GRAMD2A: variants seen among roughly 807,000 people sequenced by gnomAD.
GRAMD2A encodes GRAM domain containing 2A.
Under a neutral mutation model 51.1 loss-of-function variants are expected in GRAMD2A, and 37 were observed. The observed-to-expected ratio is 0.72, with a 90% CI of 0.56 to 0.95. The LOEUF (loss-of-function observed/expected upper bound fraction) is 0.95, where lower values mean the gene tolerates loss of function less well. Among genes scored for constraint, GRAMD2A ranks in the 40% least tolerant of loss-of-function variants. The probability of loss-of-function intolerance (pLI) is 0.00; values close to 1 mark genes in which losing one functional copy is unlikely to be tolerated. For synonymous variants in GRAMD2A, 136 were observed against 157.1 expected (o/e 0.87, Z 1.01); for missense variants, 414 against 426.9 (o/e 0.97, Z 0.27).
intron 7 of GRAMD2A, 129 bp from the exon 8 acceptor site, chr15:72,165,539 C>T (rs2081533501): frequency 1.1e-6 from 1 of 878,322 alleles, no homozygotes; most frequent in South Asian, 1.5e-5. Flanking sequence ...TGAAGCCCAG[C>T]TCCCAGGGTC....
At chr15:72,173,424 GTC>G (rs1298218829) in intron 1 of GRAMD2A, 1 of 152,174 alleles carries the variant, frequency 6.6e-6, no homozygotes, top group Non-Finnish European at 1.5e-5. Context: ...CTGATCGGAA[GTC>G]TCTGCTCAGC....
chr15:72,174,744 G>A (rs2081639681), intron 1 of GRAMD2A, among the ~76,000 whole-genome samples: 1 of 152,126 alleles, frequency 6.6e-6, no homozygotes, highest in Non-Finnish European at 1.5e-5. Flanking sequence ...GAGGCAGGTA[G>A]GGAGCTCCCC....
Position 72,160,077 on chromosome 15 carries a change from G to T in GRAMD2A, c.*1932C>A, listed in dbSNP as rs1422840829. 6.6e-6 allele frequency: 1 copy of T among 152,260 alleles called. No individual in the cohort carries two copies. The highest frequency in any genetic ancestry group is 1.5e-5 in the Non-Finnish European group (1 of 68,114). 9.4% of individuals were successfully genotyped at this position (152,260 alleles called of 1,614,324 possible). A position where few individuals can be genotyped will look rare whatever the true frequency, so the allele number is the denominator to read the frequency against. On this transcript the variant is annotated 3_prime_UTR_variant, in exon 12 of 12. Transcript: ENST00000309731. ...ACACTCAAAGCCCTGGGCCCCAAGT[G>T]CACCTCCAAAGTCACCTACGCTGCA...
chr15:72,176,160 A>C (rs1390249835), intron 1 of GRAMD2A: 1 of 152,570 alleles, frequency 6.6e-6, no homozygotes, highest in Non-Finnish European at 1.5e-5. Context: ...TCCTGTCTCC[A>C]GTGGGCTGCA....
intron 1 of GRAMD2A, among the ~76,000 whole-genome samples, chr15:72,190,252 G>A (rs992017666): frequency 3.9e-5 from 6 of 152,128 alleles, no homozygotes; most frequent in Admixed American, 1.3e-4. Context: ...GGTGGCAGGC[G>A]CCTGTAGTCG....
chr15:72,169,750 C>T (rs576865810), intron 2 of GRAMD2A, 97 bp downstream of exon 2: 28 of 995,132 alleles, frequency 2.8e-5, no homozygotes, highest in African/African-American at 1.4e-4. Flanking sequence ...AAAGGGGCCC[C>T]GGCTCTGCCT....
chr15:72,163,191 C>A, intron 10 of GRAMD2A, 75 bp downstream of exon 10: 2 of 1,008,448 alleles, frequency 2.0e-6, no homozygotes, highest in Non-Finnish European at 3.1e-6. Context: ...GTGAATTCCC[C>A]ACACTCCAAG....
chr15:72,175,282 C>G (rs1386261406), intron 1 of GRAMD2A, among the ~76,000 whole-genome samples: 1 of 152,210 alleles, frequency 6.6e-6, no homozygotes, highest in Non-Finnish European at 1.5e-5. Context: ...CTGACCAAAA[C>G]TGCCTCCGGC....
At chr15:72,195,439 G>T (rs1394475075) in intron 1 of GRAMD2A, among the ~76,000 whole-genome samples, 2 of 152,156 alleles carry the variant, frequency 1.3e-5, no homozygotes, top group Non-Finnish European at 2.9e-5. Context: ...TTAGGGGCGG[G>T]GTGGAGCCAC....
At chr15:72,194,925 G>A (rs913680401) in intron 1 of GRAMD2A, among the ~76,000 whole-genome samples, 1 of 152,078 alleles carries the variant, frequency 6.6e-6, no homozygotes, top group South Asian at 2.1e-4. Context: ...TGACCTCAGG[G>A]GATCCACCTG....
In GRAMD2A at chr15:72,183,245, C is replaced by T. The variant is rs190017277; in HGVS notation, c.42-13306G>A. Reference sequence around the variant, plus strand: ...TTCTAAAAGAACTCTTGGCCGGGCGCGGTGGCTCACGCCTGTAATCCCAGC... The same window carrying T: ...TTCTAAAAGAACTCTTGGCCGGGCGTGGTGGCTCACGCCTGTAATCCCAGC... On this transcript the variant is annotated intron_variant, in intron 1 of 11. Transcript: ENST00000309731. Among the ~76,000 whole-genome samples the T allele has an allele frequency of 8.5e-4, 128 of 150,718 alleles. 1 individual carries two copies. Among genetic ancestry groups the T allele is most frequent in the Non-Finnish European group, 1.6e-4 (11 of 67,704 alleles).
chr15:72,163,492 G>GAAA lies in GRAMD2A; in HGVS notation c.746-19_746-17dup. On this transcript the variant is annotated splice_polypyrimidine_tract_variant and intron_variant, in intron 9 of 11. Coordinates refer to ENST00000309731, the MANE Select transcript of GRAMD2A (RefSeq NM_001012642.3). ...CTTGACTTTTCTTTATGGATTGGGAGAAAAAAAAAATCAGCTCTCAGAAGC... is the reference window on the plus strand; with the variant it reads ...CTTGACTTTTCTTTATGGATTGGGAGAAAAAAAAAAAAATCAGCTCTCAGAAGC... 6.5e-7 allele frequency: 1 copy of GAAA among 1,541,162 alleles called. No homozygotes were observed. Among genetic ancestry groups the GAAA allele is most frequent in the Admixed American group, 1.8e-5 (1 of 54,636 alleles).
chr15:72,165,631 C>A (rs919064912), intron 7 of GRAMD2A, among the ~76,000 whole-genome samples: 1 of 152,196 alleles, frequency 6.6e-6, no homozygotes, highest in Admixed American at 6.5e-5. Context: ...CCCATCCCTC[C>A]CCTCTTCCTC....
At chr15:72,165,509 A>C in intron 7 of GRAMD2A, 99 bp from the exon 8 acceptor site, 3 of 1,190,394 alleles carry the variant, frequency 2.5e-6, no homozygotes, top group Non-Finnish European at 3.7e-6. Flanking sequence ...TTACCTCCAA[A>C]TAAGCCACTT....
At chr15:72,177,062 G>T (rs1188801774) in intron 1 of GRAMD2A, among the ~76,000 whole-genome samples, 1 of 151,026 alleles carries the variant, frequency 6.6e-6, no homozygotes, top group Non-Finnish European at 1.5e-5. Flanking sequence ...TAGAGATAAG[G>T]TCTTGCTCTG....
chr15:72,172,303 T>TCACATTTCAC lies in GRAMD2A; in HGVS notation c.42-2365_42-2364insGTGAAATGTG, dbSNP rs1596687141. On this transcript the variant is annotated intron_variant, in intron 1 of 11. Transcript: ENST00000309731. ...CGGGCTAAGGTTTTCATTTTTTTTGTAGACAGCGGGGGTCTCACTGTGTTG... is the reference window on the plus strand; with the variant it reads ...CGGGCTAAGGTTTTCATTTTTTTTGTCACATTTCACAGACAGCGGGGGTCTCACTGTGTTG... Among the ~76,000 whole-genome samples the TCACATTTCAC allele has an allele frequency of 2.0e-5, 3 of 151,898 alleles. No individual in the cohort carries two copies. The East Asian group carries it at 5.8e-4, about 29-fold the overall frequency.
intron 1 of GRAMD2A, among the ~76,000 whole-genome samples, chr15:72,186,558 C>T (rs915699186): frequency 6.6e-6 from 1 of 152,122 alleles, no homozygotes; most frequent in Admixed American, 6.5e-5. Flanking sequence ...CTCCTGACCT[C>T]GTGATCTGTC....
chr15:72,189,534 C>T (rs2081754417), intron 1 of GRAMD2A, among the ~76,000 whole-genome samples: 1 of 152,170 alleles, frequency 6.6e-6, no homozygotes, highest in Admixed American at 6.5e-5. Context: ...TGTGAATTTA[C>T]AATTCTCTCA....
rs2081581919 is a variant in GRAMD2A at position 72,169,180 on chromosome 15, T to A, written c.135-184A>T. ...GCACACAGCTAAACTATACAGCTCA[T>A]CCCTGGGGGAGGGCACTGCGGGAGG... is the stretch of plus-strand genomic sequence containing the variant. On this transcript the variant is annotated intron_variant, in intron 2 of 11. Coordinates refer to ENST00000309731, the MANE Select transcript of GRAMD2A (RefSeq NM_001012642.3). 1.6e-5 allele frequency: 10 copies of A among 622,768 alleles called. No individual in the cohort carries two copies. The South Asian group carries it at 1.8e-4, about 11-fold the overall frequency. The allele number at this position is 622,768 out of a possible 1,614,324, so 38.6% of individuals were successfully genotyped here.
Sources: gnomAD v4.1 joint callset for allele counts (sites outside exome capture counted in the v4.1 genomes callset) on GRCh38, gnomAD v4.1.1 for gene constraint, MANE v1.5 for transcripts, NCBI Gene and HGNC (gene_info 2026-07-23, HGNC 2026-07-21) for gene names.